The following TMEM132D variants were observed in gnomAD, a reference collection of about 807,000 sequenced individuals.
The protein encoded by TMEM132D is transmembrane protein 132D.
Under a neutral mutation model 62.3 loss-of-function variants are expected in TMEM132D, and 21 were observed. That is an observed-to-expected ratio of 0.34 (90% CI 0.24 to 0.49). The LOEUF (loss-of-function observed/expected upper bound fraction) is 0.49, where lower values mean the gene tolerates loss of function less well. TMEM132D is among the 20% of genes least tolerant of loss of function. The probability of loss-of-function intolerance (pLI) is 0.99; values close to 1 mark genes in which losing one functional copy is unlikely to be tolerated. For synonymous variants in TMEM132D, 621 were observed against 575.6 expected (o/e 1.08, Z -1.13); for missense variants, 1,346 against 1,402.8 (o/e 0.96, Z 0.65).
intron 5 of TMEM132D, among the ~76,000 whole-genome samples, chr12:129,195,345 G>C (rs572401178): frequency 3.1e-4 from 47 of 152,254 alleles, no homozygotes; most frequent in Non-Finnish European, 6.2e-4. Context: ...GGGGCTAAGA[G>C]GGAGGGTGGG....
At position 129,094,878 on chromosome 12, in the gene TMEM132D, C is replaced by T. The variant is rs371178260; in HGVS notation, c.1444-10176G>A. Among the ~76,000 whole-genome samples, 52 of 152,110 alleles carry T rather than the reference C, an allele frequency of 3.4e-4. No individual in the cohort carries two copies. The East Asian group carries it at 6.2e-3, about 18-fold the overall frequency. On this transcript the variant is annotated intron_variant, in intron 5 of 8. Transcript: ENST00000422113. ...TAAAAAAGGATGAGTTCATGTCCTTCGTAGGGACATGGATGAAACTGGAAA... is the reference window on the plus strand; with the variant it reads ...TAAAAAAGGATGAGTTCATGTCCTTTGTAGGGACATGGATGAAACTGGAAA...
At chr12:129,494,470 A>G (rs993760967) in intron 3 of TMEM132D, among the ~76,000 whole-genome samples, 2 of 152,132 alleles carry the variant, frequency 1.3e-5, no homozygotes, top group African/African-American at 4.8e-5. Context: ...CATGCATCCA[A>G]TTTTCTTAAC....
intron 5 of TMEM132D, among the ~76,000 whole-genome samples, chr12:129,090,116 C>A (rs1435561024): frequency 6.6e-6 from 1 of 152,140 alleles, no homozygotes; most frequent in Non-Finnish European, 1.5e-5. Flanking sequence ...TGATCGATGG[C>A]GCTGAGGAGA....
At chr12:129,449,162 T>C (rs1333409083) in intron 3 of TMEM132D, among the ~76,000 whole-genome samples, 1 of 152,224 alleles carries the variant, frequency 6.6e-6, no homozygotes, top group Non-Finnish European at 1.5e-5. Context: ...GCATTGGCTT[T>C]AGGAGCTCCA....
At chr12:129,701,018 C>A (rs774882309) in intron 1 of TMEM132D, among the ~76,000 whole-genome samples, 16 of 152,114 alleles carry the variant, frequency 1.1e-4, no homozygotes, top group Non-Finnish European at 2.2e-4. Flanking sequence ...TAAAGACTTG[C>A]TCTTTTTTTG....
At chr12:129,840,683 G>C (rs1008412906) in intron 1 of TMEM132D, among the ~76,000 whole-genome samples, 2 of 152,142 alleles carry the variant, frequency 1.3e-5, no homozygotes, top group Non-Finnish European at 2.9e-5. Context: ...GCGGCCGCCC[G>C]CTTCCCAGGC....
chr12:129,401,300 C>T lies in TMEM132D; in HGVS notation c.1116-63483G>A, dbSNP rs112616847. Among the ~76,000 whole-genome samples the T allele has an allele frequency of 7.9e-5, 12 of 152,332 alleles. 1 individual carries two copies. The highest frequency in any genetic ancestry group is 1.7e-4 in the African/African-American group (7 of 41,576). On this transcript the variant is annotated intron_variant, in intron 3 of 8. Transcript: ENST00000422113. ...GGTTTATAAGGACAGGGCATGGTGGCTCATGCCTGTAATCCCAACACATGA... is the reference window on the plus strand; with the variant it reads ...GGTTTATAAGGACAGGGCATGGTGGTTCATGCCTGTAATCCCAACACATGA...
intron 5 of TMEM132D, among the ~76,000 whole-genome samples, chr12:129,126,874 A>G (rs1304691460): frequency 6.6e-6 from 1 of 152,222 alleles, no homozygotes; most frequent in Non-Finnish European, 1.5e-5. Context: ...ACATGTCATC[A>G]TTGCTAACAG....
chr12:129,640,332 G>A (rs371674411), intron 2 of TMEM132D, among the ~76,000 whole-genome samples: 15 of 152,194 alleles, frequency 9.9e-5, no homozygotes, highest in East Asian at 9.7e-4. Context: ...AATCCACATC[G>A]GACAAAAACA....
At chr12:129,491,548 C>G (rs977991619) in intron 3 of TMEM132D, among the ~76,000 whole-genome samples, 1 of 152,132 alleles carries the variant, frequency 6.6e-6, no homozygotes, top group Non-Finnish European at 1.5e-5. Flanking sequence ...TCACTCCATG[C>G]GGTCACTTAG....
chr12:129,125,415 A>G lies in TMEM132D; in HGVS notation c.1444-40713T>C, dbSNP rs186243412. On this transcript the variant is annotated intron_variant, in intron 5 of 8. Coordinates refer to ENST00000422113, the MANE Select transcript of TMEM132D (RefSeq NM_133448.3). ...CTTAATCGTCCTGTGATTAAGAAAAAATTTCCAACCCTGTGTAGACTAACA... is the reference window on the plus strand; with the variant it reads ...CTTAATCGTCCTGTGATTAAGAAAAGATTTCCAACCCTGTGTAGACTAACA... Among the ~76,000 whole-genome samples, 264 of 152,260 alleles carry G rather than the reference A, an allele frequency of 1.7e-3. 2 individuals carry two copies. The highest frequency in any genetic ancestry group is 6.1e-3 in the African/African-American group (252 of 41,550).
At chr12:129,172,657 C>A (rs899448872) in intron 5 of TMEM132D, among the ~76,000 whole-genome samples, 2 of 152,168 alleles carry the variant, frequency 1.3e-5, no homozygotes, top group African/African-American at 2.4e-5. Context: ...TGGCTCACTG[C>A]AACCTCTGCC....
intron 3 of TMEM132D, among the ~76,000 whole-genome samples, chr12:129,356,617 A>G (rs1001762298): frequency 6.6e-6 from 1 of 150,856 alleles, no homozygotes; most frequent in African/African-American, 2.4e-5. Flanking sequence ...CAGGAGTTGG[A>G]GACTATTCCG....
At chr12:129,516,659 T>C (rs1442604387) in intron 3 of TMEM132D, among the ~76,000 whole-genome samples, 1 of 152,140 alleles carries the variant, frequency 6.6e-6, no homozygotes. Context: ...GAGCTACAAT[T>C]CAAGGTGAGA....
chr12:129,263,390 T>C (rs1003444832), intron 4 of TMEM132D, among the ~76,000 whole-genome samples: 2 of 152,200 alleles, frequency 1.3e-5, no homozygotes, highest in African/African-American at 4.8e-5. Flanking sequence ...AAATGCTATC[T>C]TATCTCTATT....
chr12:129,611,376 T>C (rs1005549615), intron 2 of TMEM132D, among the ~76,000 whole-genome samples: 1 of 152,218 alleles, frequency 6.6e-6, no homozygotes, highest in Admixed American at 6.5e-5. Context: ...AATTCCCTTA[T>C]CTGTAAATGT....
At chr12:129,541,969 CA>C (rs1192670767) in intron 2 of TMEM132D, among the ~76,000 whole-genome samples, 1 of 152,118 alleles carries the variant, frequency 6.6e-6, no homozygotes, top group Non-Finnish European at 1.5e-5. Flanking sequence ...CAAACAAAAA[CA>C]AAGCAAAACA....
chr12:129,311,177 G>T (rs1338977668), intron 4 of TMEM132D, among the ~76,000 whole-genome samples: 1 of 71,810 alleles, frequency 1.4e-5, no homozygotes, highest in African/African-American at 7.7e-5. Context: ...CAGCCTGGGC[G>T]ACAGAGCGAG....
intron 5 of TMEM132D, among the ~76,000 whole-genome samples, chr12:129,122,471 C>T (rs960930768): frequency 2.6e-5 from 4 of 152,200 alleles, no homozygotes; most frequent in Admixed American, 6.5e-5. Context: ...ATGAGCTCCT[C>T]AAAAGGAGGG....
Sources: gnomAD v4.1 joint callset for allele counts (sites outside exome capture counted in the v4.1 genomes callset) on GRCh38, gnomAD v4.1.1 for gene constraint, MANE v1.5 for transcripts, NCBI Gene and HGNC (gene_info 2026-07-23, HGNC 2026-07-21) for gene names.